The following FETUB variants were observed in gnomAD, a reference collection of about 807,000 sequenced individuals.
The protein encoded by FETUB is fetuin B.
FETUB carries 28 observed loss-of-function variants against 30.9 expected under a neutral mutation model. The ratio of observed to expected loss-of-function variants is 0.90; its 90% CI spans 0.67 to 1.24. The LOEUF is 1.24. Among genes scored for constraint, FETUB ranks in the 50% most tolerant of loss-of-function variants. The probability of loss-of-function intolerance (pLI) is 0.00; values close to 1 mark genes in which losing one functional copy is unlikely to be tolerated. For missense variants in FETUB, 469 were observed against 455.3 expected (o/e 1.03, Z -0.27); for synonymous variants, 186 against 175.9 (o/e 1.06, Z -0.45).
At chr3:186,651,065 G>A in intron 5 of FETUB, 153 bp from the exon 6 acceptor site, 1 of 594,510 alleles carries the variant, frequency 1.7e-6, no homozygotes, top group Non-Finnish European at 3.0e-6. Flanking sequence ...TCTTGGTAGG[G>A]GTGATCTAGA....
chr3:186,648,641 T>C (rs1225908839), intron 5 of FETUB, among the ~76,000 whole-genome samples: 1 of 152,236 alleles, frequency 6.6e-6, no homozygotes, highest in African/African-American at 2.4e-5. Flanking sequence ...ATGTGGTATC[T>C]TTCCATTTGT....
intron 3 of FETUB, among the ~76,000 whole-genome samples, chr3:186,643,118 C>T (rs770019062): frequency 5.3e-5 from 8 of 152,146 alleles, no homozygotes; most frequent in Admixed American, 4.6e-4. Context: ...AAAATTTTGT[C>T]TAAACTACTC....
upstream of FETUB, among the ~76,000 whole-genome samples, chr3:186,636,662 T>C (rs1415372573): frequency 6.6e-6 from 1 of 152,184 alleles, no homozygotes; most frequent in Non-Finnish European, 1.5e-5. Context: ...AAGGAGAAAC[T>C]GCCACAAGGT....
chr3:186,649,439 TAC>T (rs1717810208), intron 5 of FETUB, among the ~76,000 whole-genome samples: 1 of 152,146 alleles, frequency 6.6e-6, no homozygotes, highest in South Asian at 2.1e-4. Flanking sequence ...CCAAATAGTG[TAC>T]ATTGTATTCA....
In FETUB at chr3:186,640,499, C is replaced by T. The variant is rs1716943408; in HGVS notation, c.39C>T (p.Val13=). ...LLLPLALCIL[V]LCCGAMSPPQ... Reference sequence around the variant, plus strand: ...TTCCCCTGGCACTCTGCATCCTAGTCCTGTGCTGCGGAGCAATGTCTCCAC... The same window carrying T: ...TTCCCCTGGCACTCTGCATCCTAGTTCTGTGCTGCGGAGCAATGTCTCCAC... Residue 13 remains valine (V), a synonymous_variant, in exon 1 of 7, where the codon GTC becomes GTT. Coordinates refer to ENST00000265029, the MANE Select transcript of FETUB (RefSeq NM_014375.3). 2 of 1,614,098 alleles carry T rather than the reference C, an allele frequency of 1.2e-6. No homozygotes were observed. Among genetic ancestry groups the T allele is most frequent in the East Asian group, 2.2e-5 (1 of 44,902 alleles).
rs753907669 is a variant in FETUB at position 186,652,685 on chromosome 3, G to A, written c.*54G>A. ...TGGTGCGCCGCATGACATGGGAGGCGATGGGGACGATGGACAGAGACAGAG... is the reference window on the plus strand; with the variant it reads ...TGGTGCGCCGCATGACATGGGAGGCAATGGGGACGATGGACAGAGACAGAG... On this transcript the variant is annotated 3_prime_UTR_variant, in exon 7 of 7. Transcript: ENST00000265029. 65 of 1,527,280 alleles carry A rather than the reference G, an allele frequency of 4.3e-5. No homozygotes were observed. The highest frequency in any genetic ancestry group is 5.2e-5 in the Non-Finnish European group (60 of 1,143,878). The allele number at this position is 1,527,280 out of a possible 1,614,324, so 94.6% of individuals were successfully genotyped here. A position where few individuals can be genotyped will look rare whatever the true frequency, so the allele number is the denominator to read the frequency against.
chr3:186,639,604 T>C (rs562844610), upstream of FETUB, among the ~76,000 whole-genome samples: 3 of 150,646 alleles, frequency 2.0e-5, no homozygotes, highest in African/African-American at 7.3e-5. Context: ...AAGATAATTG[T>C]CTTTTGTATG....
At position 186,652,604 on chromosome 3, in the gene FETUB, T is replaced by G; in HGVS notation, c.1122T>G (p.Asn374Lys). The change falls in exon 7 of 7, where the codon AAT becomes AAG. Residue 374 changes from asparagine to lysine, a missense_variant. By Grantham distance (94) the Asn-to-Lys change is moderately conservative. Transcript: ENST00000265029. Reference sequence around the variant, plus strand: ...CTGAGTGCCCAGGGCCAGCCCAGAATGCCAGCCCTCTTGTCCTTCCGCCAT... The same window carrying G: ...CTGAGTGCCCAGGGCCAGCCCAGAAGGCCAGCCCTCTTGTCCTTCCGCCAT... ...RTAECPGPAQ[N>K]ASPLVLPP The G allele has an allele frequency of 6.2e-7, 1 of 1,610,710 alleles. No individual in the cohort carries two copies. Among genetic ancestry groups the G allele is most frequent in the Non-Finnish European group, 8.5e-7 (1 of 1,178,996 alleles).
At chr3:186,648,582 G>A (rs895960009) in intron 5 of FETUB, among the ~76,000 whole-genome samples, 5 of 152,130 alleles carry the variant, frequency 3.3e-5, no homozygotes, top group African/African-American at 7.2e-5. Flanking sequence ...GTACATCAAC[G>A]TTGAAAGTAC....
upstream of FETUB, chr3:186,640,395 C>A (rs1003649882): frequency 5.4e-6 from 7 of 1,285,142 alleles, no homozygotes; most frequent in African/African-American, 8.8e-5. Context: ...CCTTAAAGAG[C>A]CTTACAAGCC....
At chr3:186,644,044 T>C (rs1717288774) in intron 3 of FETUB, among the ~76,000 whole-genome samples, 1 of 152,224 alleles carries the variant, frequency 6.6e-6, no homozygotes, top group Admixed American at 6.5e-5. Context: ...ATAGTGATAT[T>C]TCCATATATA....
upstream of FETUB, chr3:186,640,303 TAC>T: frequency 1.5e-6 from 1 of 654,576 alleles, no homozygotes; most frequent in Non-Finnish European, 2.7e-6. Context: ...CTATCCAAAG[TAC>T]TGACTTAGGA....
chr3:186,645,034 C>T (rs1264479821), intron 4 of FETUB, 114 bp downstream of exon 4: 2 of 721,820 alleles, frequency 2.8e-6, no homozygotes, highest in African/African-American at 3.6e-5. Flanking sequence ...ACCAAAATAC[C>T]TTTCTCTACT....
upstream of FETUB, among the ~76,000 whole-genome samples, chr3:186,639,061 T>C (rs994187327): frequency 6.6e-6 from 1 of 152,194 alleles, no homozygotes; most frequent in African/African-American, 2.4e-5. Flanking sequence ...TAACAGAATA[T>C]CAGAGACCAG....
At chr3:186,652,242 T>C (rs756715096) in intron 6 of FETUB, 21 bp from the exon 7 acceptor site, 14 of 1,530,518 alleles carry the variant, frequency 9.1e-6, no homozygotes, top group Middle Eastern at 1.8e-4. Flanking sequence ...AACTCTACAT[T>C]CAAAAATGTT....
Position 186,649,030 on chromosome 3 carries a change from C to T in FETUB, c.697-2188C>T, listed in dbSNP as rs543641472. Reference sequence around the variant, plus strand: ...CATGTTCAGCACACTTATAAAGTCCCTTTGTGATCCACTCCAGTGTCAGCG... The same window carrying T: ...CATGTTCAGCACACTTATAAAGTCCTTTTGTGATCCACTCCAGTGTCAGCG... On this transcript the variant is annotated intron_variant, in intron 5 of 6. Coordinates refer to ENST00000265029, the MANE Select transcript of FETUB (RefSeq NM_014375.3). Among the ~76,000 whole-genome samples the T allele has an allele frequency of 9.2e-5, 14 of 152,330 alleles. 1 individual carries two copies. Among genetic ancestry groups the T allele is most frequent in the African/African-American group, 3.1e-4 (13 of 41,574 alleles).
chr3:186,645,373 ATTCT>A (rs112880742), intron 4 of FETUB, among the ~76,000 whole-genome samples: 4 of 151,966 alleles, frequency 2.6e-5, no homozygotes, highest in Non-Finnish European at 4.4e-5. Context: ...TCTCTATTTC[ATTCT>A]TTCTTTTTAT....
upstream of FETUB, among the ~76,000 whole-genome samples, chr3:186,637,244 T>C (rs545867897): frequency 9.2e-4 from 139 of 151,898 alleles, 1 homozygote; most frequent in Non-Finnish European, 1.6e-3. Flanking sequence ...GTTCATTCAG[T>C]GTTTGTGGAA....
Position 186,652,689 on chromosome 3 carries a change from G to T in FETUB, c.*58G>T. On this transcript the variant is annotated 3_prime_UTR_variant, in exon 7 of 7. Coordinates refer to ENST00000265029, the MANE Select transcript of FETUB (RefSeq NM_014375.3). ...GCGCCGCATGACATGGGAGGCGATG[G>T]GGACGATGGACAGAGACAGAGCGTG... The T allele has an allele frequency of 6.5e-7, 1 of 1,528,024 alleles. No homozygotes were observed. Among genetic ancestry groups the T allele is most frequent in the Non-Finnish European group, 8.7e-7 (1 of 1,144,088 alleles). 94.7% of individuals were successfully genotyped at this position (1,528,024 alleles called of 1,614,324 possible).
Sources: gnomAD v4.1 joint callset for allele counts (sites outside exome capture counted in the v4.1 genomes callset) on GRCh38, gnomAD v4.1.1 for gene constraint, MANE v1.5 for transcripts, NCBI Gene and HGNC (gene_info 2026-07-23, HGNC 2026-07-21) for gene names.